Variants in EYS observed in about 807,000 individuals in gnomAD.
The protein encoded by EYS is protein eyes shut homolog.
EYS carries 250 observed loss-of-function variants against 282.1 expected under a neutral mutation model. The observed-to-expected ratio is 0.89, with a 90% confidence interval of 0.80 to 0.98. EYS has a LOEUF of 0.98. EYS is among the 50% of genes least tolerant of loss of function. EYS has a pLI of 0.00. For missense variants in EYS, 4,016 were observed against 3,709.0 expected, an observed-to-expected ratio of 1.08 and a Z score of -2.15; for synonymous variants, 1,355 against 1,282.9, an observed-to-expected ratio of 1.06 and a Z score of -1.20.
intron 29 of EYS, among the ~76,000 whole-genome samples, chr6:64,340,816 T>A (rs1455512382): frequency 3.3e-5 from 5 of 151,820 alleles, no homozygotes; most frequent in African/African-American, 7.2e-5. Flanking sequence ...AAACTATACA[T>A]CTGACAATGG....
At chr6:65,621,732 CT>C (rs1291503047) in intron 2 of EYS, among the ~76,000 whole-genome samples, 5 of 151,530 alleles carry the variant, frequency 3.3e-5, no homozygotes, top group African/African-American at 1.2e-4. Context: ...TTCAGGAGCT[CT>C]TTTAGGGCAG....
At chr6:64,635,625 T>C (rs1174260842) in intron 22 of EYS, among the ~76,000 whole-genome samples, 1 of 152,230 alleles carries the variant, frequency 6.6e-6, no homozygotes, top group East Asian at 1.9e-4. Context: ...CTGGATTACA[T>C]TTATTGATTT....
intron 14 of EYS, among the ~76,000 whole-genome samples, chr6:64,970,068 A>G (rs1311665842): frequency 6.6e-6 from 1 of 152,150 alleles, no homozygotes; most frequent in Non-Finnish European, 1.5e-5. Flanking sequence ...GATTTTTTTC[A>G]ATAAGTATTG....
At chr6:65,258,124 C>G (rs976723705) in intron 12 of EYS, among the ~76,000 whole-genome samples, 10 of 151,770 alleles carry the variant, frequency 6.6e-5, no homozygotes, top group African/African-American at 2.2e-4. Context: ...ATATATACAT[C>G]TAATATATAC....
chr6:63,833,078 G>A (rs1208307167), intron 36 of EYS, among the ~76,000 whole-genome samples: 4 of 152,042 alleles, frequency 2.6e-5, no homozygotes, highest in Admixed American at 6.5e-5. Flanking sequence ...AAAATAATAA[G>A]CCCTATTTAT....
At chr6:64,603,711 G>A (rs1217836913) in intron 24 of EYS, among the ~76,000 whole-genome samples, 1 of 152,032 alleles carries the variant, frequency 6.6e-6, no homozygotes, top group African/African-American at 2.4e-5. Context: ...TTCTGTGGAG[G>A]TGAGTCAGTG....
At chr6:64,888,095 T>G (rs540247410) in intron 18 of EYS, among the ~76,000 whole-genome samples, 1 of 152,158 alleles carries the variant, frequency 6.6e-6, no homozygotes, top group East Asian at 1.9e-4. Context: ...TACATATTTT[T>G]TATTCATTCA....
chr6:64,257,187 G>A (rs748457947), intron 30 of EYS, among the ~76,000 whole-genome samples: 1 of 151,926 alleles, frequency 6.6e-6, no homozygotes, highest in Non-Finnish European at 1.5e-5. Context: ...TTGGACTAAT[G>A]AAACATTTCC....
intron 36 of EYS, among the ~76,000 whole-genome samples, chr6:63,854,363 C>G (rs630445): frequency 6.6e-6 from 1 of 152,086 alleles, no homozygotes. Flanking sequence ...AACAGAAAAC[C>G]AAACTCCACA....
chr6:64,642,322 G>C (rs1768185392), intron 22 of EYS, among the ~76,000 whole-genome samples: 1 of 152,022 alleles, frequency 6.6e-6, no homozygotes. Flanking sequence ...ATAATTACCA[G>C]TTTTCAGAAC....
At chr6:64,899,471 G>A (rs146012248) in intron 18 of EYS, among the ~76,000 whole-genome samples, 36 of 152,142 alleles carry the variant, frequency 2.4e-4, no homozygotes, top group African/African-American at 5.8e-4. Context: ...AAACCTCATC[G>A]TCTCAGCCCA....
chr6:64,181,473 G>A (rs903940773), intron 31 of EYS, among the ~76,000 whole-genome samples: 4 of 151,932 alleles, frequency 2.6e-5, no homozygotes, highest in African/African-American at 9.7e-5. Flanking sequence ...TCTATTTTTG[G>A]TTTTCAAAAC....
At chr6:63,859,382 A>G (rs368533) in intron 36 of EYS, among the ~76,000 whole-genome samples, 151,106 of 152,058 alleles carry the variant, frequency 0.99, 75,087 homozygotes, top group Middle Eastern at 1. Flanking sequence ...ACTAAAATGG[A>G]AATTTTAACC....
chr6:65,110,443 T>A (rs900101599), intron 12 of EYS, among the ~76,000 whole-genome samples: 70 of 152,216 alleles, frequency 4.6e-4, no homozygotes, highest in African/African-American at 1.7e-3. Context: ...TGAAGGAAAT[T>A]TTTACCTCTG....
chr6:64,839,644 T>C (rs1765502183), intron 19 of EYS, among the ~76,000 whole-genome samples: 1 of 152,216 alleles, frequency 6.6e-6, no homozygotes, highest in South Asian at 2.1e-4. Context: ...AGTTGATTTT[T>C]ACATAAAGTA....
At chr6:64,139,769 G>T (rs1206908322) in intron 31 of EYS, among the ~76,000 whole-genome samples, 1 of 152,024 alleles carries the variant, frequency 6.6e-6, no homozygotes, top group Non-Finnish European at 1.5e-5. Flanking sequence ...AGGAGTTCAA[G>T]ACCAGCCTGG....
intron 12 of EYS, among the ~76,000 whole-genome samples, chr6:65,218,699 G>A (rs1047864212): frequency 7.2e-5 from 11 of 151,968 alleles, no homozygotes; most frequent in African/African-American, 2.4e-4. Flanking sequence ...AAGACAAATC[G>A]TTACAGTTCT....
intron 30 of EYS, among the ~76,000 whole-genome samples, chr6:64,238,660 C>A (rs1766689392): frequency 6.6e-6 from 1 of 152,078 alleles, no homozygotes. Flanking sequence ...TTTTTAATGG[C>A]TGTTTATGTT....
intron 22 of EYS, among the ~76,000 whole-genome samples, chr6:64,740,059 A>T (rs1476480200): frequency 4.6e-5 from 7 of 152,136 alleles, no homozygotes; most frequent in South Asian, 2.1e-4. Flanking sequence ...GAGGTAACTA[A>T]ATGGTAATTG....
Sources: gnomAD v4.1 joint callset for allele counts (sites outside exome capture counted in the v4.1 genomes callset) on GRCh38, gnomAD v4.1.1 for gene constraint, MANE v1.5 for transcripts, NCBI Gene and HGNC (gene_info 2026-07-23, HGNC 2026-07-21) for gene names.